The following FHOD3 variants were observed in gnomAD, a reference collection of about 807,000 sequenced individuals.
FHOD3 encodes formin homology 2 domain containing 3.
In FHOD3, 90 loss-of-function variants were observed where a neutral mutation model predicts 173.0. The observed-to-expected ratio is 0.52, with a 90% CI of 0.44 to 0.62. The LOEUF is 0.62. Ranked by LOEUF, FHOD3 falls within the 20% of genes least tolerant of loss-of-function variation. The pLI, the probability that FHOD3 is intolerant of heterozygous loss-of-function variation, is 0.00. For missense variants in FHOD3, 1,945 were observed against 2,034.7 expected, an observed-to-expected ratio of 0.96 and a Z score of 0.85; for synonymous variants, 828 against 823.0, an observed-to-expected ratio of 1.01 and a Z score of -0.10.
At chr18:36,707,935 G>T (rs1309500580) in intron 17 of FHOD3, among the ~76,000 whole-genome samples, 1 of 152,144 alleles carries the variant, frequency 6.6e-6, no homozygotes, top group Non-Finnish European at 1.5e-5. Flanking sequence ...GCTTTGCTCA[G>T]CCTGAGGGCA....
chr18:36,531,806 C>T (rs912614132), intron 5 of FHOD3, among the ~76,000 whole-genome samples: 4 of 152,214 alleles, frequency 2.6e-5, no homozygotes, highest in Non-Finnish European at 4.4e-5. Context: ...GCGGTCCTCT[C>T]GGAGGCAGGA....
chr18:36,530,878 TCTTGTTCTCC>T (rs1301433069), intron 5 of FHOD3, among the ~76,000 whole-genome samples: 1 of 152,232 alleles, frequency 6.6e-6, no homozygotes, highest in Non-Finnish European at 1.5e-5. Flanking sequence ...TTGTTCTTAG[TCTTGTTCTCC>T]CTGAGGCCCC....
chr18:36,737,042 C>A (rs1343289206), intron 20 of FHOD3, among the ~76,000 whole-genome samples: 2 of 152,184 alleles, frequency 1.3e-5, no homozygotes, highest in Non-Finnish European at 2.9e-5. Flanking sequence ...AAAACAAGGG[C>A]CATCAGCTCA....
chr18:36,503,085 C>T (rs1037366984), intron 4 of FHOD3, among the ~76,000 whole-genome samples: 1 of 152,094 alleles, frequency 6.6e-6, no homozygotes, highest in African/African-American at 2.4e-5. Context: ...TCTTGGATTC[C>T]ATAGTATCGT....
At chr18:36,564,614 T>C (rs1456140571) in intron 5 of FHOD3, among the ~76,000 whole-genome samples, 1 of 152,108 alleles carries the variant, frequency 6.6e-6, no homozygotes, top group Admixed American at 6.5e-5. Context: ...GTGTATTAGA[T>C]GGGAGAAGAT....
At chr18:36,627,636 T>C (rs1213351007) in intron 10 of FHOD3, among the ~76,000 whole-genome samples, 1 of 151,148 alleles carries the variant, frequency 6.6e-6, no homozygotes, top group Non-Finnish European at 1.5e-5. Flanking sequence ...CTTGTAAAGA[T>C]AGGTGATGTT....
chr18:36,421,108 T>C (rs115202815), intron 3 of FHOD3, among the ~76,000 whole-genome samples: 2,641 of 152,316 alleles, frequency 0.017, 71 homozygotes, highest in African/African-American at 0.06. Flanking sequence ...TAGTTTTCAC[T>C]AAAGTTGAAA....
intron 11 of FHOD3, among the ~76,000 whole-genome samples, chr18:36,650,610 G>A (rs561022544): frequency 2.6e-5 from 4 of 152,160 alleles, no homozygotes; most frequent in Non-Finnish European, 4.4e-5. Context: ...ATGTTTGGTC[G>A]CCATCCCACC....
chr18:36,485,024 A>G (rs550807805), intron 3 of FHOD3, among the ~76,000 whole-genome samples: 21 of 152,226 alleles, frequency 1.4e-4, no homozygotes, highest in African/African-American at 3.4e-4. Flanking sequence ...ACGTGCTTCT[A>G]TCTGCTCTAC....
intron 5 of FHOD3, among the ~76,000 whole-genome samples, chr18:36,552,407 C>T (rs1385167857): frequency 2.0e-5 from 3 of 151,980 alleles, no homozygotes; most frequent in Non-Finnish European, 2.9e-5. Context: ...CTGAGACTAT[C>T]GGGTTTTCTA....
At chr18:36,386,747 G>A (rs76102712) in intron 3 of FHOD3, among the ~76,000 whole-genome samples, 1 of 152,184 alleles carries the variant, frequency 6.6e-6, no homozygotes, top group Admixed American at 6.5e-5. Flanking sequence ...CCCCTCGGCT[G>A]TCCCCAGGGT....
intron 5 of FHOD3, among the ~76,000 whole-genome samples, chr18:36,565,179 C>T (rs1256864950): frequency 6.6e-6 from 1 of 152,140 alleles, no homozygotes; most frequent in Non-Finnish European, 1.5e-5. Context: ...ATATCAACCT[C>T]TTTTTAATAC....
chr18:36,532,090 T>G (rs996041977), intron 5 of FHOD3, among the ~76,000 whole-genome samples: 6 of 152,264 alleles, frequency 3.9e-5, no homozygotes, highest in Non-Finnish European at 5.9e-5. Flanking sequence ...CGGCGTGGCT[T>G]TCATGCAGCC....
chr18:36,601,236 G>A (rs1394140088), intron 7 of FHOD3, among the ~76,000 whole-genome samples: 1 of 152,220 alleles, frequency 6.6e-6, no homozygotes, highest in Non-Finnish European at 1.5e-5. Context: ...GTTCTGACTG[G>A]CTGGGCAACT....
At chr18:36,494,834 T>C (rs2054656131) in intron 3 of FHOD3, among the ~76,000 whole-genome samples, 2 of 152,204 alleles carry the variant, frequency 1.3e-5, no homozygotes, top group African/African-American at 4.8e-5. Context: ...CTTTGAGTTT[T>C]ACTGTTATAC....
chr18:36,760,135 C>G (rs1438526280), intron 26 of FHOD3, among the ~76,000 whole-genome samples: 2 of 152,184 alleles, frequency 1.3e-5, no homozygotes, highest in Admixed American at 6.5e-5. Flanking sequence ...GATTGAATCC[C>G]ACTTTTGTAA....
intron 5 of FHOD3, among the ~76,000 whole-genome samples, chr18:36,542,174 A>G (rs149210931): frequency 1.3e-5 from 2 of 152,310 alleles, no homozygotes; most frequent in Non-Finnish European, 2.9e-5. Context: ...AGTGAGTACC[A>G]TCTTTGTCTT....
chr18:36,300,889 C>T (rs375932005), intron 1 of FHOD3, among the ~76,000 whole-genome samples: 19 of 152,066 alleles, frequency 1.2e-4, no homozygotes, highest in African/African-American at 4.3e-4. Flanking sequence ...TATAGGCATG[C>T]ACCACCACAC....
chr18:36,576,364 A>C (rs1263011429), intron 5 of FHOD3, 87 bp from the exon 6 acceptor site: 1 of 885,878 alleles, frequency 1.1e-6, no homozygotes, highest in Admixed American at 2.6e-5. Context: ...TACTTAAAGT[A>C]TGAAAATCTT....
Sources: allele counts gnomAD v4.1 joint callset (sites outside exome capture counted in the v4.1 genomes callset), GRCh38; gene constraint gnomAD v4.1.1; transcripts MANE v1.5; gene names NCBI Gene and HGNC (gene_info 2026-07-23, HGNC 2026-07-21).